The following CLIP4 variants were observed in gnomAD, a reference collection of about 807,000 sequenced individuals.
The protein encoded by CLIP4 is CAP-Gly domain-containing linker protein 4.
CLIP4 carries 47 observed loss-of-function variants against 73.1 expected under a neutral mutation model. That is an observed-to-expected ratio of 0.64 (90% confidence interval 0.51 to 0.82). The LOEUF (loss-of-function observed/expected upper bound fraction) is 0.82. Among genes scored for constraint, CLIP4 ranks in the 40% least tolerant of loss-of-function variants. The pLI, the probability that CLIP4 is intolerant of heterozygous loss-of-function variation, is 0.00. For synonymous variants in CLIP4, 306 were observed against 295.4 expected, an observed-to-expected ratio of 1.04 and a Z score of -0.37; for missense variants, 874 against 852.9, an observed-to-expected ratio of 1.02 and a Z score of -0.31.
At chr2:29,125,555 C>G (rs187183760) in intron 2 of CLIP4, among the ~76,000 whole-genome samples, 1 of 152,110 alleles carries the variant, frequency 6.6e-6, no homozygotes, top group Non-Finnish European at 1.5e-5. Flanking sequence ...CGAGTCCAGA[C>G]TCTTACTTAG....
chr2:29,180,255 G>A (rs1668569336), intron 15 of CLIP4, among the ~76,000 whole-genome samples: 2 of 152,108 alleles, frequency 1.3e-5, no homozygotes, highest in Non-Finnish European at 2.9e-5. Flanking sequence ...CTCAGGGAGC[G>A]ACAAGACCCT....
rs1187374982 is a variant in CLIP4 at position 29,183,550 on chromosome 2, G to A, written c.*1657G>A. On this transcript the variant is annotated 3_prime_UTR_variant, in exon 16 of 16. Transcript: ENST00000320081. ...TGAAATCCATGACCACACCAAACTT[G>A]GTTATTCATAATTTTTCCTGTTAAA... 1 of 152,482 alleles carries A rather than the reference G, an allele frequency of 6.6e-6. No individual in the cohort carries two copies. The highest frequency in any genetic ancestry group is 1.9e-4 in the East Asian group (1 of 5,192). The allele number at this position is 152,482 out of a possible 1,614,324, so 9.4% of individuals were successfully genotyped here. A position where few individuals can be genotyped will look rare whatever the true frequency, so the allele number is the denominator to read the frequency against.
At chr2:29,157,024 A>G (rs1489366608) in intron 10 of CLIP4, among the ~76,000 whole-genome samples, 180 bp from the exon 11 acceptor site, 1 of 152,186 alleles carries the variant, frequency 6.6e-6, no homozygotes, top group East Asian at 1.9e-4. Flanking sequence ...CTTGTGTTAT[A>G]AAATCTTTTA....
chr2:29,143,818 A>G lies in CLIP4; in HGVS notation c.758A>G (p.Asp253Gly), dbSNP rs1444895936. The change falls in exon 7 of 16, where the codon GAT (aspartate) becomes GGT (glycine). Residue 253 changes from aspartate to glycine, a missense_variant. By Grantham distance (94) the Asp-to-Gly change is moderately conservative. Coordinates refer to ENST00000320081, the MANE Select transcript of CLIP4 (RefSeq NM_024692.6). ...TAKEIKQMLL[D>G]AVPLSCNISK... ...AAGGAAATCAAGCAGATGCTTCTAG[A>G]TGCGGTGCCTCTGTCATGTAACATC... 1 of 1,614,148 alleles carries G rather than the reference A, an allele frequency of 6.2e-7. No individual in the cohort carries two copies. Among genetic ancestry groups the G allele is most frequent in the Admixed American group, 1.7e-5 (1 of 60,026 alleles).
intron 2 of CLIP4, chr2:29,129,948 C>G: frequency 4.3e-6 from 2 of 469,978 alleles, no homozygotes; most frequent in Non-Finnish European, 8.8e-6. Context: ...TCTGAAAGGT[C>G]TTAACTATTA....
At chr2:29,100,814 A>G (rs1437343791) in intron 1 of CLIP4, among the ~76,000 whole-genome samples, 1 of 151,742 alleles carries the variant, frequency 6.6e-6, no homozygotes, top group Non-Finnish European at 1.5e-5. Flanking sequence ...CAGAGGTGGG[A>G]AGTGACTTTG....
intron 1 of CLIP4, among the ~76,000 whole-genome samples, chr2:29,109,539 T>C (rs1668328607): frequency 6.6e-6 from 1 of 152,200 alleles, no homozygotes; most frequent in African/African-American, 2.4e-5. Context: ...TGTAGCTATT[T>C]GAAACCATAT....
chr2:29,119,956 T>C (rs1310340649), intron 1 of CLIP4, among the ~76,000 whole-genome samples: 1 of 152,196 alleles, frequency 6.6e-6, no homozygotes, highest in African/African-American at 2.4e-5. Context: ...GGACCATCTG[T>C]TAACTCATTT....
upstream of CLIP4, among the ~76,000 whole-genome samples, chr2:29,111,084 G>T (rs1668376070): frequency 6.6e-6 from 1 of 152,166 alleles, no homozygotes; most frequent in Admixed American, 6.5e-5. Context: ...CACTGTAAGG[G>T]TTTCTCTGAG....
chr2:29,118,002 A>G (rs181281657), intron 1 of CLIP4, among the ~76,000 whole-genome samples: 19 of 152,358 alleles, frequency 1.2e-4, no homozygotes, highest in African/African-American at 4.1e-4. Context: ...TGTTTAGTAG[A>G]TTGTACAGAT....
chr2:29,130,569 C>G (rs1015112934), intron 2 of CLIP4: 1 of 1,084,824 alleles, frequency 9.2e-7, no homozygotes, highest in Admixed American at 4.8e-5. Flanking sequence ...GGGGGTGGGA[C>G]TTTGGCTCAG....
At chr2:29,131,430 G>C (rs943609009) in intron 3 of CLIP4, 33 bp downstream of exon 3, 2 of 1,568,758 alleles carry the variant, frequency 1.3e-6, no homozygotes, top group African/African-American at 2.8e-5. Flanking sequence ...GTTTTGCATT[G>C]TTAGGATTGT....
At chr2:29,154,937 C>T (rs966159906) in intron 9 of CLIP4, among the ~76,000 whole-genome samples, 4 of 152,156 alleles carry the variant, frequency 2.6e-5, no homozygotes, top group African/African-American at 9.7e-5. Flanking sequence ...AGTCAACATC[C>T]TCCATAGGAT....
chr2:29,132,485 A>G, intron 4 of CLIP4: 1 of 468,800 alleles, frequency 2.1e-6, no homozygotes, highest in Non-Finnish European at 3.8e-6. Flanking sequence ...CTGATTGCAT[A>G]ATAGATGAGA....
At chr2:29,102,694 C>T (rs144491869) in intron 1 of CLIP4, among the ~76,000 whole-genome samples, 1,717 of 151,976 alleles carry the variant, frequency 0.011, 31 homozygotes, top group East Asian at 0.043. Context: ...GGTGCCATCT[C>T]GGCTCACTGC....
At chr2:29,145,455 C>T in intron 8 of CLIP4, 88 bp downstream of exon 8, 2 of 1,126,804 alleles carry the variant, frequency 1.8e-6, no homozygotes, top group Non-Finnish European at 2.5e-6. Context: ...AACTTTTCTC[C>T]TGATTTCTTA....
At chr2:29,132,414 A>T in intron 4 of CLIP4, 169 bp downstream of exon 4, 1 of 608,598 alleles carries the variant, frequency 1.6e-6, no homozygotes, top group Non-Finnish European at 2.9e-6. Context: ...TATTCCCTTT[A>T]ATCAAGGAGG....
At chr2:29,178,714 A>G (rs1030768787) in intron 15 of CLIP4, among the ~76,000 whole-genome samples, 1 of 152,232 alleles carries the variant, frequency 6.6e-6, no homozygotes, top group African/African-American at 2.4e-5. Flanking sequence ...TAAAACATGT[A>G]TTGAACTCTC....
chr2:29,106,180 C>T (rs1354855966), intron 1 of CLIP4, among the ~76,000 whole-genome samples: 1 of 151,440 alleles, frequency 6.6e-6, no homozygotes, highest in African/African-American at 2.4e-5. Context: ...CCTGATTTCT[C>T]CAACTGGAAA....
Sources: gnomAD v4.1 joint callset for allele counts (sites outside exome capture counted in the v4.1 genomes callset) on GRCh38, gnomAD v4.1.1 for gene constraint, MANE v1.5 for transcripts, NCBI Gene and HGNC (gene_info 2026-07-23, HGNC 2026-07-21) for gene names.